Variants in DGKB observed in about 807,000 individuals in gnomAD.
The protein encoded by DGKB is 90 kDa diacylglycerol kinase.
Under a neutral mutation model 114.3 loss-of-function variants are expected in DGKB, and 67 were observed. The observed-to-expected ratio is 0.59, with a 90% confidence interval of 0.48 to 0.72. The LOEUF is 0.72. Among genes scored for constraint, DGKB ranks in the 30% least tolerant of loss-of-function variants. DGKB has a pLI of 0.00. For synonymous variants in DGKB, 398 were observed against 323.1 expected, an observed-to-expected ratio of 1.23 and a Z score of -2.49; for missense variants, 907 against 975.2, an observed-to-expected ratio of 0.93 and a Z score of 0.93.
chr7:14,195,143 A>C (rs1233704744), intron 23 of DGKB, among the ~76,000 whole-genome samples: 1 of 152,136 alleles, frequency 6.6e-6, no homozygotes. Flanking sequence ...TTCTTGAAGC[A>C]GTTTGTTCTC....
chr7:14,377,293 C>A (rs1273661213), intron 21 of DGKB, among the ~76,000 whole-genome samples: 1 of 152,170 alleles, frequency 6.6e-6, no homozygotes, highest in Non-Finnish European at 1.5e-5. Flanking sequence ...TTGTAGAGAA[C>A]TCTAACAATG....
chr7:14,879,586 GC>G (rs1404996320), intron 1 of DGKB, among the ~76,000 whole-genome samples: 5 of 152,124 alleles, frequency 3.3e-5, no homozygotes, highest in Admixed American at 1.3e-4. Context: ...AGGCTATGAA[GC>G]CCCAAGTATC....
intron 21 of DGKB, among the ~76,000 whole-genome samples, chr7:14,477,721 T>A (rs1308430258): frequency 6.6e-6 from 1 of 152,200 alleles, no homozygotes; most frequent in Non-Finnish European, 1.5e-5. Flanking sequence ...ATTACTATAA[T>A]TTCTTTTGAT....
Position 14,825,038 on chromosome 7 carries a change from A to G in DGKB, c.70+16156T>C, listed in dbSNP as rs1275751439. Among the ~76,000 whole-genome samples the G allele has an allele frequency of 5.1e-3, 733 of 142,966 alleles. 21 individuals are homozygous for G. Among genetic ancestry groups the G allele is most frequent in the African/African-American group, 0.017 (687 of 39,586 alleles). The allele number at this position is 142,966 out of a possible 152,430, so 93.8% of individuals were successfully genotyped here. A position where few individuals can be genotyped will look rare whatever the true frequency, so the allele number is the denominator to read the frequency against. On this transcript the variant is annotated intron_variant, in intron 2 of 25. Coordinates refer to ENST00000402815, the MANE Select transcript of DGKB (RefSeq NM_001350709.2). Reference sequence around the variant, plus strand: ...TATGTATATATATATATATATATATATATATATATATATATATATCACATG... The same window carrying G: ...TATGTATATATATATATATATATATGTATATATATATATATATATCACATG...
chr7:14,738,326 C>T (rs1401841595), intron 4 of DGKB, among the ~76,000 whole-genome samples: 1 of 152,212 alleles, frequency 6.6e-6, no homozygotes, highest in East Asian at 1.9e-4. Context: ...TATGGTAGCG[C>T]TTCCTTCTGT....
chr7:14,800,278 G>A (rs912834296), intron 2 of DGKB, among the ~76,000 whole-genome samples: 26 of 152,218 alleles, frequency 1.7e-4, no homozygotes, highest in African/African-American at 3.9e-4. Context: ...GGTTACTACC[G>A]AGTGTCAACT....
intron 21 of DGKB, among the ~76,000 whole-genome samples, chr7:14,366,005 A>G (rs1405088767): frequency 6.6e-6 from 1 of 152,108 alleles, no homozygotes; most frequent in Non-Finnish European, 1.5e-5. Flanking sequence ...CAGGAGTTTT[A>G]CAGTCTTGAA....
chr7:14,501,155 T>A (rs1234584875), intron 20 of DGKB, among the ~76,000 whole-genome samples: 5 of 151,858 alleles, frequency 3.3e-5, no homozygotes, highest in Non-Finnish European at 7.4e-5. Flanking sequence ...CATGGTGGGA[T>A]CTAGGGTTAT....
At chr7:14,653,799 C>T (rs1252908876) in intron 13 of DGKB, among the ~76,000 whole-genome samples, 1 of 151,610 alleles carries the variant, frequency 6.6e-6, no homozygotes, top group East Asian at 1.9e-4. Context: ...TAATAGAAAC[C>T]AAAACAAAGC....
At chr7:14,549,589 T>C (rs980599426) in intron 20 of DGKB, among the ~76,000 whole-genome samples, 1 of 152,170 alleles carries the variant, frequency 6.6e-6, no homozygotes, top group Admixed American at 6.5e-5. Flanking sequence ...TTTTAAACTT[T>C]GTTGAGCGAT....
intron 2 of DGKB, among the ~76,000 whole-genome samples, chr7:14,763,126 C>T (rs1010564356): frequency 6.6e-6 from 1 of 152,082 alleles, no homozygotes; most frequent in Admixed American, 6.6e-5. Flanking sequence ...ATCCCATCAT[C>T]CCATGATTTT....
chr7:14,212,503 C>A (rs1212543769), intron 23 of DGKB, among the ~76,000 whole-genome samples: 1 of 152,110 alleles, frequency 6.6e-6, no homozygotes, highest in Admixed American at 6.6e-5. Flanking sequence ...TCCCTTTCCA[C>A]CATATTCAAC....
At chr7:14,369,118 T>G (rs1176923579) in intron 21 of DGKB, among the ~76,000 whole-genome samples, 1 of 152,032 alleles carries the variant, frequency 6.6e-6, no homozygotes, top group Non-Finnish European at 1.5e-5. Flanking sequence ...TCCCTCCCTG[T>G]GTCCATGTAT....
intron 20 of DGKB, among the ~76,000 whole-genome samples, chr7:14,543,738 T>C (rs1379473367): frequency 6.6e-6 from 1 of 152,198 alleles, no homozygotes; most frequent in African/African-American, 2.4e-5. Flanking sequence ...GCCAGAAATT[T>C]TGTTATGGCC....
At chr7:14,685,180 T>C (rs1406870784) in intron 10 of DGKB, 65 bp downstream of exon 10, 1 of 1,029,300 alleles carries the variant, frequency 9.7e-7, no homozygotes. Context: ...CAAATAAGAC[T>C]ATTCCATGAA....
chr7:14,776,468 C>T (rs1838204509), intron 2 of DGKB, among the ~76,000 whole-genome samples: 1 of 152,150 alleles, frequency 6.6e-6, no homozygotes, highest in Admixed American at 6.5e-5. Context: ...GGGCCCAGGG[C>T]CCACCTGCTG....
chr7:14,890,780 T>C (rs1195638553), intron 1 of DGKB, among the ~76,000 whole-genome samples: 1 of 151,162 alleles, frequency 6.6e-6, no homozygotes, highest in Non-Finnish European at 1.5e-5. Context: ...ATGCTTGTTC[T>C]TGTCAGACAC....
chr7:14,623,762 G>A (rs1402449385), intron 14 of DGKB, among the ~76,000 whole-genome samples: 1 of 152,092 alleles, frequency 6.6e-6, no homozygotes, highest in Non-Finnish European at 1.5e-5. Flanking sequence ...TTAAAAGAAA[G>A]TTCCTTCTTT....
At chr7:14,945,749 A>C (rs1156614518) in intron 1 of DGKB, among the ~76,000 whole-genome samples, 1 of 151,786 alleles carries the variant, frequency 6.6e-6, no homozygotes, top group Non-Finnish European at 1.5e-5. Flanking sequence ...ACAAGGTAGA[A>C]TCAAACATCA....
Sources: gnomAD v4.1 joint callset for allele counts (sites outside exome capture counted in the v4.1 genomes callset) on GRCh38, gnomAD v4.1.1 for gene constraint, MANE v1.5 for transcripts, NCBI Gene and HGNC (gene_info 2026-07-23, HGNC 2026-07-21) for gene names.